WDPCP: variants seen among roughly 807,000 people sequenced by gnomAD.
WDPCP encodes WD repeat-containing and planar cell polarity effector protein fritz homolog.
In WDPCP, 71 loss-of-function variants were observed where a neutral mutation model predicts 93.1. That is an observed-to-expected ratio of 0.76 (90% CI 0.63 to 0.93). The LOEUF (loss-of-function observed/expected upper bound fraction) is 0.93. Among genes scored for constraint, WDPCP ranks in the 40% least tolerant of loss-of-function variants. The pLI is 0.00. For missense variants in WDPCP, 844 were observed against 887.4 expected (o/e 0.95, Z 0.62); for synonymous variants, 315 against 315.0 (o/e 1.00, Z 0.00).
At chr2:63,665,842 G>C (rs1031331265) in intron 2 of WDPCP, among the ~76,000 whole-genome samples, 6 of 151,394 alleles carry the variant, frequency 4.0e-5, no homozygotes, top group Middle Eastern at 3.5e-3. Context: ...TGTCAAGAAA[G>C]GTAGACTTTC....
chr2:63,444,375 G>A (rs970789461), intron 6 of WDPCP, among the ~76,000 whole-genome samples: 1 of 152,058 alleles, frequency 6.6e-6, no homozygotes, highest in Non-Finnish European at 1.5e-5. Context: ...CCAAATACTG[G>A]TGCCAAAAAT....
intron 2 of WDPCP, chr2:63,751,988 A>G: frequency 1.6e-6 from 1 of 631,280 alleles, no homozygotes; most frequent in South Asian, 1.4e-5. Context: ...CCACAATCAA[A>G]GTTGTCATTT....
chr2:63,195,289 A>AATAATTACTGATAATTATGATAATTATG (rs1489676229), intron 14 of WDPCP, among the ~76,000 whole-genome samples: 2 of 152,208 alleles, frequency 1.3e-5, no homozygotes, highest in Non-Finnish European at 2.9e-5. Flanking sequence ...GTCAGGCAAC[A>AATAATTACTGATAATTATGATAATTATG]ATAATTACTG....
At chr2:63,261,549 A>G (rs1394823265) in intron 13 of WDPCP, among the ~76,000 whole-genome samples, 1 of 152,192 alleles carries the variant, frequency 6.6e-6, no homozygotes, top group Non-Finnish European at 1.5e-5. Flanking sequence ...ATAAGCATTA[A>G]CAGATGAACG....
At position 63,722,590 on chromosome 2, in the gene WDPCP, G is replaced by A. The variant is rs1232798272; in HGVS notation, n.309-71752C>T. On this transcript the variant is annotated intron_variant and non_coding_transcript_variant, in intron 2 of 4. Transcript: ENST00000467687. The stretch of plus-strand genomic sequence containing the variant: ...GGGTCAGCCCCCCGCCCGGCCAGCC[G>A]CCCCGTCCGGGAGGGAGGTGGGGGG... Among the ~76,000 whole-genome samples the A allele has an allele frequency of 9.3e-4, 124 of 133,354 alleles. 4 individuals are homozygous for A. Among genetic ancestry groups the A allele is most frequent in the African/African-American group, 3.1e-3 (113 of 35,920 alleles). 87.5% of individuals were successfully genotyped at this position (133,354 alleles called of 152,430 possible).
chr2:63,778,549 C>T (rs1173557273), intron 2 of WDPCP, among the ~76,000 whole-genome samples: 3 of 152,152 alleles, frequency 2.0e-5, no homozygotes, highest in Admixed American at 2.0e-4. Flanking sequence ...CTACAAGAGC[C>T]AACTAAAATG....
chr2:63,746,337 G>A (rs139850392), intron 2 of WDPCP, among the ~76,000 whole-genome samples: 2 of 152,232 alleles, frequency 1.3e-5, no homozygotes, highest in Admixed American at 1.3e-4. Context: ...TCAGGACCCT[G>A]AGATGATTGC....
At chr2:63,408,224 C>T (rs1245534584) in intron 9 of WDPCP, among the ~76,000 whole-genome samples, 2 of 152,108 alleles carry the variant, frequency 1.3e-5, no homozygotes, top group Non-Finnish European at 2.9e-5. Context: ...GCGGACTGCT[C>T]CTGCAGGACC....
intron 3 of WDPCP, among the ~76,000 whole-genome samples, chr2:63,623,354 G>A (rs1709770115): frequency 6.6e-6 from 1 of 152,174 alleles, no homozygotes; most frequent in South Asian, 2.1e-4. Context: ...AAATGTAAAT[G>A]GGCTAAATGC....
intron 15 of WDPCP, among the ~76,000 whole-genome samples, chr2:63,157,427 A>C (rs1240018040): frequency 6.6e-6 from 1 of 151,608 alleles, no homozygotes; most frequent in Non-Finnish European, 1.5e-5. Context: ...TTGAATTATC[A>C]TCTCATATTT....
chr2:63,720,712 T>C (rs1669403687), intron 2 of WDPCP, among the ~76,000 whole-genome samples: 1 of 152,240 alleles, frequency 6.6e-6, no homozygotes, highest in Admixed American at 6.5e-5. Context: ...CTGTGATCTC[T>C]GCATATACAT....
At chr2:63,606,034 G>T in intron 3 of WDPCP, 1 of 1,609,852 alleles carries the variant, frequency 6.2e-7, no homozygotes, top group Non-Finnish European at 8.5e-7. Context: ...TCAAGGTAAG[G>T]TATTTTGGAG....
intron 14 of WDPCP, among the ~76,000 whole-genome samples, chr2:63,211,625 GT>G (rs927974034): frequency 1.1e-4 from 17 of 152,308 alleles, no homozygotes; most frequent in African/African-American, 4.1e-4. Context: ...ACTTTGACGA[GT>G]TGAGAGAAGA....
intron 1 of WDPCP, among the ~76,000 whole-genome samples, chr2:63,550,228 CA>C (rs374264160): frequency 0.46 from 68,703 of 148,410 alleles, 17,243 homozygotes; most frequent in East Asian, 0.68. Flanking sequence ...CACACACACA[CA>C]CACACACACA....
chr2:63,394,064 G>A (rs1011611202), intron 10 of WDPCP, among the ~76,000 whole-genome samples: 3 of 152,050 alleles, frequency 2.0e-5, no homozygotes, highest in African/African-American at 4.8e-5. Flanking sequence ...ACCAAACATT[G>A]ACAAATGAGA....
chr2:63,530,961 T>C (rs755926211), intron 1 of WDPCP, among the ~76,000 whole-genome samples: 1 of 152,180 alleles, frequency 6.6e-6, no homozygotes, highest in African/African-American at 2.4e-5. Flanking sequence ...TAACAGACAG[T>C]ACATGGGAAA....
At chr2:63,541,672 G>C (rs915867973) in intron 1 of WDPCP, among the ~76,000 whole-genome samples, 6 of 152,092 alleles carry the variant, frequency 3.9e-5, no homozygotes, top group African/African-American at 9.7e-5. Context: ...TAATGTTAAA[G>C]GTAAGGCGAT....
chr2:63,242,796 C>T (rs1485714613), intron 14 of WDPCP, among the ~76,000 whole-genome samples: 1 of 152,086 alleles, frequency 6.6e-6, no homozygotes, highest in Non-Finnish European at 1.5e-5. Flanking sequence ...GGGATATGTA[C>T]AGAAGTGATA....
At chr2:63,258,985 T>G (rs551678027) in intron 14 of WDPCP, among the ~76,000 whole-genome samples, 5 of 152,292 alleles carry the variant, frequency 3.3e-5, no homozygotes, top group African/African-American at 1.2e-4. Flanking sequence ...ATTATATAAA[T>G]TTCTGTGTTG....
Sources: gnomAD v4.1 joint callset for allele counts (sites outside exome capture counted in the v4.1 genomes callset) on GRCh38, gnomAD v4.1.1 for gene constraint, MANE v1.5 for transcripts, NCBI Gene and HGNC (gene_info 2026-07-23, HGNC 2026-07-21) for gene names.